The following AUTS2 variants were observed in gnomAD, a reference collection of about 807,000 sequenced individuals.
The protein encoded by AUTS2 is autism susceptibility gene 2 protein.
In AUTS2, 17 loss-of-function variants were observed where a neutral mutation model predicts 112.4. The ratio of observed to expected loss-of-function variants is 0.15; its 90% CI spans 0.10 to 0.23. The LOEUF is 0.23. AUTS2 is among the 10% of genes least tolerant of loss of function. The pLI is 1.00. For missense variants in AUTS2, 1,510 were observed against 1,701.6 expected (o/e 0.89, Z 1.98); for synonymous variants, 751 against 702.7 (o/e 1.07, Z -1.09).
chr7:70,238,860 G>A (rs547280495), intron 4 of AUTS2, among the ~76,000 whole-genome samples: 1 of 152,142 alleles, frequency 6.6e-6, no homozygotes, highest in African/African-American at 2.4e-5. Flanking sequence ...GTTTGTGTGT[G>A]TGTGTGTACA....
At chr7:70,374,988 A>G (rs1793018931) in intron 4 of AUTS2, among the ~76,000 whole-genome samples, 1 of 152,174 alleles carries the variant, frequency 6.6e-6, no homozygotes, top group South Asian at 2.1e-4. Context: ...GCTCCAACTC[A>G]GGCCCATTAC....
intron 1 of AUTS2, among the ~76,000 whole-genome samples, chr7:69,858,471 G>T (rs189490543): frequency 6.6e-6 from 1 of 152,322 alleles, no homozygotes; most frequent in East Asian, 1.9e-4. Flanking sequence ...AAGAGAAGAG[G>T]TTGGACTTAA....
chr7:70,430,560 A>G (rs993108543), intron 4 of AUTS2, among the ~76,000 whole-genome samples: 5 of 152,192 alleles, frequency 3.3e-5, no homozygotes, highest in Non-Finnish European at 7.3e-5. Context: ...TATACATGGT[A>G]GAAAGGACCA....
intron 2 of AUTS2, among the ~76,000 whole-genome samples, chr7:69,935,479 T>C (rs1047392828): frequency 1.3e-5 from 2 of 151,984 alleles, no homozygotes; most frequent in African/African-American, 4.8e-5. Flanking sequence ...GTGCTGAGAG[T>C]TGGAAAAGTG....
chr7:70,574,898 C>T (rs1279092464), intron 5 of AUTS2, among the ~76,000 whole-genome samples: 4 of 152,280 alleles, frequency 2.6e-5, no homozygotes, highest in South Asian at 2.1e-4. Context: ...TACCTGTTCT[C>T]GCTTTAGGAT....
In AUTS2 at chr7:69,792,824, G is replaced by T. The variant is rs991301965; in HGVS notation, c.310-106462G>T. ...ACATGCCCTACTCAGAGACATTTCGGTTCATTAGGTAGGGGTGGGAGAGGT... is the reference window on the plus strand; with the variant it reads ...ACATGCCCTACTCAGAGACATTTCGTTTCATTAGGTAGGGGTGGGAGAGGT... On this transcript the variant is annotated intron_variant, in intron 1 of 18. Transcript: ENST00000342771. Among the ~76,000 whole-genome samples the T allele has an allele frequency of 2.6e-5, 4 of 152,078 alleles. No individual in the cohort carries two copies. The East Asian group carries it at 7.7e-4, about 29-fold the overall frequency.
At chr7:70,143,354 C>T (rs575613730) in intron 4 of AUTS2, among the ~76,000 whole-genome samples, 1 of 152,274 alleles carries the variant, frequency 6.6e-6, no homozygotes, top group Non-Finnish European at 1.5e-5. Context: ...ATTTAAAATA[C>T]AATGTCATTT....
chr7:70,681,243 G>C (rs1053291611), intron 5 of AUTS2, among the ~76,000 whole-genome samples: 1 of 152,198 alleles, frequency 6.6e-6, no homozygotes, highest in Non-Finnish European at 1.5e-5. Context: ...GTGGGGCATG[G>C]TGGTTTGGGA....
chr7:70,386,652 GT>G (rs1229753502), intron 4 of AUTS2, among the ~76,000 whole-genome samples: 1 of 152,066 alleles, frequency 6.6e-6, no homozygotes, highest in East Asian at 1.9e-4. Context: ...CTCTAAAAAT[GT>G]TTTTTTCTAA....
intron 1 of AUTS2, among the ~76,000 whole-genome samples, chr7:69,846,166 T>G (rs931946208): frequency 2.6e-5 from 4 of 152,132 alleles, no homozygotes; most frequent in Non-Finnish European, 4.4e-5. Flanking sequence ...GGCATATTGA[T>G]ATTCACAAAG....
intron 1 of AUTS2, among the ~76,000 whole-genome samples, chr7:69,670,887 G>A (rs1337450483): frequency 1.3e-5 from 2 of 152,058 alleles, no homozygotes; most frequent in African/African-American, 2.4e-5. Flanking sequence ...CATCGTTTTA[G>A]GGTTTCTATT....
chr7:70,786,986 G>A lies in AUTS2; in HGVS notation c.2309-223G>A, dbSNP rs938235419. ...TTTAACTTCCCCTGTCCCCACCTTT[G>A]CTTTTGGTTTTAAAAAGAAAAAAAA... On this transcript the variant is annotated intron_variant, in intron 17 of 18. Coordinates refer to ENST00000342771, the MANE Select transcript of AUTS2 (RefSeq NM_015570.4). The A allele has an allele frequency of 4.4e-5, 28 of 629,658 alleles. No homozygotes were observed. The African/African-American group carries it at 4.9e-4, about 11-fold the overall frequency. 39.0% of individuals were successfully genotyped at this position (629,658 alleles called of 1,614,324 possible). A position where few individuals can be genotyped will look rare whatever the true frequency, so the allele number is the denominator to read the frequency against.
At position 70,417,475 on chromosome 7, in the gene AUTS2, G is replaced by C. The variant is rs560245167; in HGVS notation, c.661-18277G>C. ...ACCCTTTAAGATCTAGAAGGGGAGA[G>C]AGAGACTTGGAGAGCACACTTGTCG... On this transcript the variant is annotated intron_variant, in intron 4 of 18. Coordinates refer to ENST00000342771, the MANE Select transcript of AUTS2 (RefSeq NM_015570.4). 3.5e-4 allele frequency among the ~76,000 whole-genome samples: 54 copies of C among 152,294 alleles called. 1 individual carries two copies. The highest frequency in any genetic ancestry group is 1.3e-3 in the African/African-American group (53 of 41,564).
At chr7:69,930,237 G>A (rs1234594306) in intron 2 of AUTS2, among the ~76,000 whole-genome samples, 1 of 152,090 alleles carries the variant, frequency 6.6e-6, no homozygotes, top group Non-Finnish European at 1.5e-5. Context: ...GCCTTGAGTA[G>A]CGTCCCCCTG....
intron 2 of AUTS2, among the ~76,000 whole-genome samples, chr7:70,083,755 T>C (rs970094006): frequency 6.6e-6 from 1 of 152,098 alleles, no homozygotes; most frequent in African/African-American, 2.4e-5. Flanking sequence ...AAGATGAGCC[T>C]GGGCAACACT....
Position 70,473,623 on chromosome 7 carries a change from G to A in AUTS2, c.690+37842G>A, listed in dbSNP as rs555624421. 2.6e-5 allele frequency among the ~76,000 whole-genome samples: 4 copies of A among 152,258 alleles called. 2 individuals are homozygous for A. In the South Asian group the frequency reaches 8.3e-4, roughly 32 times the overall value. On this transcript the variant is annotated intron_variant, in intron 5 of 18. Transcript: ENST00000342771. ...TTCCTAAATGCCTTCCGTAAGCACAGGGCCACACAGACGTAGCAGGCTTAC... is the reference window on the plus strand; with the variant it reads ...TTCCTAAATGCCTTCCGTAAGCACAAGGCCACACAGACGTAGCAGGCTTAC...
chr7:70,057,621 G>A (rs1019497749), intron 2 of AUTS2, among the ~76,000 whole-genome samples: 12 of 152,132 alleles, frequency 7.9e-5, no homozygotes, highest in Non-Finnish European at 1.6e-4. Context: ...GAAAATTGAA[G>A]CACAAAATCT....
intron 1 of AUTS2, among the ~76,000 whole-genome samples, chr7:69,851,446 C>T (rs934777128): frequency 3.3e-5 from 5 of 152,162 alleles, no homozygotes; most frequent in Admixed American, 2.6e-4. Flanking sequence ...GACAGTGTCT[C>T]GCCATGTTGC....
chr7:70,649,920 T>C (rs756570939), intron 5 of AUTS2, among the ~76,000 whole-genome samples: 5 of 152,214 alleles, frequency 3.3e-5, no homozygotes, highest in Non-Finnish European at 5.9e-5. Flanking sequence ...GCTTGGGTTC[T>C]TAGAATGTGG....
Sources: allele counts gnomAD v4.1 joint callset (sites outside exome capture counted in the v4.1 genomes callset), GRCh38; gene constraint gnomAD v4.1.1; transcripts MANE v1.5; gene names NCBI Gene and HGNC (gene_info 2026-07-23, HGNC 2026-07-21).